Variants in DLGAP1 observed in about 807,000 individuals in gnomAD.
The protein encoded by DLGAP1 is disks large-associated protein 1.
A neutral mutation model predicts 90.8 loss-of-function variants in DLGAP1; 11 were observed. The observed-to-expected ratio is 0.12, with a 90% CI of 0.08 to 0.20. DLGAP1 has a LOEUF of 0.20. Ranked by LOEUF, DLGAP1 falls within the 10% of genes least tolerant of loss-of-function variation. The pLI is 1.00. For missense variants in DLGAP1, 1,050 were observed against 1,333.8 expected (o/e 0.79, Z 3.31); for synonymous variants, 558 against 540.7 (o/e 1.03, Z -0.44).
rs2049736086 is a variant in DLGAP1, at chr18:3,497,567, G to A, written c.*1618C>T. 2 of 152,272 alleles carry A rather than the reference G, an allele frequency of 1.3e-5. No homozygotes were observed. Among genetic ancestry groups the A allele is most frequent in the Admixed American group, 6.5e-5 (1 of 15,298 alleles). The allele number at this position is 152,272 out of a possible 1,614,324, so 9.4% of individuals were successfully genotyped here. ...TAAATTAGCACCTGGCTATGAGAGTGTATTATTTTAAAAAGCTTCTCTGGT... is the reference window on the plus strand; with the variant it reads ...TAAATTAGCACCTGGCTATGAGAGTATATTATTTTAAAAAGCTTCTCTGGT... On this transcript the variant is annotated 3_prime_UTR_variant, in exon 13 of 13. Coordinates refer to ENST00000315677, the MANE Select transcript of DLGAP1 (RefSeq NM_004746.4).
At chr18:3,531,608 G>C (rs993173316) in intron 10 of DLGAP1, among the ~76,000 whole-genome samples, 1 of 151,216 alleles carries the variant, frequency 6.6e-6, no homozygotes. Flanking sequence ...TCAGCCTCCC[G>C]AGTAGCTGGG....
intron 3 of DLGAP1, among the ~76,000 whole-genome samples, chr18:3,947,279 G>A (rs1402448186): frequency 6.6e-6 from 1 of 152,086 alleles, no homozygotes; most frequent in Admixed American, 6.6e-5. Context: ...AGTTCTTTCC[G>A]TTTCTTATCT....
intron 9 of DLGAP1, among the ~76,000 whole-genome samples, chr18:3,547,702 C>T (rs143340505): frequency 8.5e-5 from 13 of 152,074 alleles, no homozygotes; most frequent in East Asian, 3.9e-4. Context: ...CACTGTGGAA[C>T]GAATTCCTAT....
chr18:3,822,624 C>T (rs1411210639), intron 4 of DLGAP1, among the ~76,000 whole-genome samples: 1 of 152,144 alleles, frequency 6.6e-6, no homozygotes, highest in African/African-American at 2.4e-5. Context: ...ATCCCCTTTC[C>T]TGGTGATGAA....
chr18:3,969,031 T>A (rs2073389989), intron 3 of DLGAP1, among the ~76,000 whole-genome samples: 2 of 152,078 alleles, frequency 1.3e-5, no homozygotes, highest in Non-Finnish European at 2.9e-5. Flanking sequence ...AGTTAACTAA[T>A]GAATGAACAG....
chr18:4,081,555 C>T (rs2075608646), intron 2 of DLGAP1, among the ~76,000 whole-genome samples: 1 of 152,190 alleles, frequency 6.6e-6, no homozygotes, highest in African/African-American at 2.4e-5. Context: ...TCAATCCTCT[C>T]TCTCTCGCAA....
chr18:3,906,739 A>C (rs2071915783), intron 3 of DLGAP1, among the ~76,000 whole-genome samples: 1 of 152,200 alleles, frequency 6.6e-6, no homozygotes, highest in African/African-American at 2.4e-5. Flanking sequence ...AAAATGGTGA[A>C]AATTTAGAAA....
chr18:4,346,160 A>T (rs1035264739), intron 1 of DLGAP1, among the ~76,000 whole-genome samples: 3 of 152,214 alleles, frequency 2.0e-5, no homozygotes, highest in Non-Finnish European at 4.4e-5. Flanking sequence ...TAGCAGTCTT[A>T]ATCTTTTAAC....
chr18:4,155,938 C>G (rs1383139461), intron 1 of DLGAP1, among the ~76,000 whole-genome samples: 7 of 152,172 alleles, frequency 4.6e-5, no homozygotes, highest in Non-Finnish European at 8.8e-5. Context: ...CACCTGGAGA[C>G]AGGCAACATT....
At chr18:4,226,379 C>T (rs1319098896) in intron 1 of DLGAP1, among the ~76,000 whole-genome samples, 1 of 151,910 alleles carries the variant, frequency 6.6e-6, no homozygotes, top group Admixed American at 6.6e-5. Context: ...ACGGTAAATG[C>T]ACAGGAAAAC....
chr18:4,401,449 TA>T (rs1567892220), intron 1 of DLGAP1, among the ~76,000 whole-genome samples: 1 of 152,156 alleles, frequency 6.6e-6, no homozygotes, highest in Non-Finnish European at 1.5e-5. Flanking sequence ...CATGAGAAAG[TA>T]TTTTTTTTCC....
In DLGAP1 at chr18:3,498,609, G is replaced by C. The variant is rs1210772561; in HGVS notation, c.*576C>G. On this transcript the variant is annotated 3_prime_UTR_variant, in exon 13 of 13. Transcript: ENST00000315677. ...TCCAGGTCCCCCACCCCCAGGCCAG[G>C]CTTGGTCCCCTCTCTCTGTGTCCCT... 1.3e-5 allele frequency: 2 copies of C among 152,246 alleles called. No individual in the cohort carries two copies. The highest frequency in any genetic ancestry group is 3.8e-4 in the East Asian group (2 of 5,200). The allele number at this position is 152,246 out of a possible 1,614,324, so 9.4% of individuals were successfully genotyped here. A position where few individuals can be genotyped will look rare whatever the true frequency, so the allele number is the denominator to read the frequency against.
intron 3 of DLGAP1, among the ~76,000 whole-genome samples, chr18:3,987,162 A>T (rs1461690782): frequency 6.6e-6 from 1 of 152,048 alleles, no homozygotes; most frequent in Non-Finnish European, 1.5e-5. Flanking sequence ...TATTTTCCTC[A>T]TCTGTCAAAT....
chr18:3,574,870 A>G (rs1365449993), intron 8 of DLGAP1, among the ~76,000 whole-genome samples: 2 of 150,950 alleles, frequency 1.3e-5, no homozygotes, highest in East Asian at 3.9e-4. Flanking sequence ...GCTGGAGTGC[A>G]GTGGCACAAT....
chr18:3,564,666 C>T (rs1229198950), intron 9 of DLGAP1, among the ~76,000 whole-genome samples: 3 of 152,022 alleles, frequency 2.0e-5, no homozygotes, highest in Non-Finnish European at 4.4e-5. Context: ...ACTGGGTTTC[C>T]TTGGAGCTTT....
intron 1 of DLGAP1, among the ~76,000 whole-genome samples, chr18:4,231,335 C>G (rs2145053779): frequency 6.6e-6 from 1 of 152,218 alleles, no homozygotes; most frequent in South Asian, 2.1e-4. Context: ...TTTCATACTT[C>G]TCTGCCCTGC....
intron 3 of DLGAP1, among the ~76,000 whole-genome samples, chr18:3,901,532 A>G (rs1016524783): frequency 6.6e-6 from 1 of 152,106 alleles, no homozygotes; most frequent in Non-Finnish European, 1.5e-5. Context: ...GTTGGCCACC[A>G]TGCTGCTGGC....
chr18:3,856,510 C>T (rs2069650953), intron 4 of DLGAP1, among the ~76,000 whole-genome samples: 1 of 152,132 alleles, frequency 6.6e-6, no homozygotes, highest in East Asian at 1.9e-4. Flanking sequence ...GGGAAATTAC[C>T]TTAGTCACTT....
At chr18:3,859,150 T>C (rs7240904) in intron 4 of DLGAP1, among the ~76,000 whole-genome samples, 19,727 of 152,192 alleles carry the variant, frequency 0.13, 1,327 homozygotes, top group Admixed American at 0.15. Context: ...GTGATTTGAA[T>C]GGACATGCTG....
Sources: allele counts gnomAD v4.1 joint callset (sites outside exome capture counted in the v4.1 genomes callset), GRCh38; gene constraint gnomAD v4.1.1; transcripts MANE v1.5; gene names NCBI Gene and HGNC (gene_info 2026-07-23, HGNC 2026-07-21).